Variants in INPP5B observed in about 807,000 individuals in gnomAD.
INPP5B encodes inositol polyphosphate-5-phosphatase B.
In INPP5B, 90 loss-of-function variants were observed where a neutral mutation model predicts 118.5. The ratio of observed to expected loss-of-function variants is 0.76; its 90% CI spans 0.64 to 0.90. INPP5B has a LOEUF of 0.90. INPP5B is among the 40% of genes least tolerant of loss of function. The pLI is 0.00. For missense variants in INPP5B, 984 were observed against 1,125.6 expected, an observed-to-expected ratio of 0.87 and a Z score of 1.80; for synonymous variants, 385 against 418.9, an observed-to-expected ratio of 0.92 and a Z score of 0.99.
At chr1:37,883,940 G>T (rs1194832991) in intron 13 of INPP5B, 2 of 721,824 alleles carry the variant, frequency 2.8e-6, no homozygotes, top group African/African-American at 1.9e-5. Context: ...CAAAGAGGAA[G>T]TTGTAGAGAT....
chr1:37,932,550 G>A (rs1036385470), intron 6 of INPP5B, among the ~76,000 whole-genome samples: 1 of 151,858 alleles, frequency 6.6e-6, no homozygotes, highest in Non-Finnish European at 1.5e-5. Flanking sequence ...TTGTATTTTA[G>A]TAGAGACGGG....
chr1:37,939,020 C>A (rs1166608200), intron 6 of INPP5B, among the ~76,000 whole-genome samples: 1 of 151,998 alleles, frequency 6.6e-6, no homozygotes. Context: ...ATGATGAAAC[C>A]GTGTCTCTAC....
At chr1:37,904,093 G>A (rs1049103593) in intron 7 of INPP5B, among the ~76,000 whole-genome samples, 7 of 152,242 alleles carry the variant, frequency 4.6e-5, no homozygotes, top group Admixed American at 1.3e-4. Flanking sequence ...TTGGGAGGCC[G>A]AGGCAGACAG....
chr1:37,933,350 C>T (rs61776695), intron 6 of INPP5B, among the ~76,000 whole-genome samples: 5,028 of 152,118 alleles, frequency 0.033, 129 homozygotes, highest in Middle Eastern at 0.065. Context: ...AGATCCAGAC[C>T]ATCCTGGCTA....
At chr1:37,909,562 G>A (rs1644614914) in intron 7 of INPP5B, among the ~76,000 whole-genome samples, 1 of 152,016 alleles carries the variant, frequency 6.6e-6, no homozygotes, top group Non-Finnish European at 1.5e-5. Flanking sequence ...TAGCGTTTAG[G>A]CTCTTTTTCA....
intron 3 of INPP5B, among the ~76,000 whole-genome samples, chr1:37,944,397 C>T (rs963004143): frequency 2.0e-5 from 3 of 151,998 alleles, no homozygotes; most frequent in Non-Finnish European, 2.9e-5. Context: ...TTATGGAGCA[C>T]TTTCTTTTTT....
At position 37,880,112 on chromosome 1, in the gene INPP5B, T is replaced by C; in HGVS notation, c.1514A>G (p.Asp505Gly). The C allele has an allele frequency of 7.4e-6, 12 of 1,611,190 alleles. No individual in the cohort carries two copies. Among genetic ancestry groups the C allele is most frequent in the Non-Finnish European group, 1.0e-5 (12 of 1,177,828 alleles). The change falls in exon 15 of 24, where the codon GAT (aspartate) becomes GGT (glycine). Residue 505 changes from aspartate to glycine, a missense_variant. By Grantham distance (94) the Asp-to-Gly change is moderately conservative. Transcript: ENST00000373024. ...ELTFQPTYKYDTGSDDWDTSE... is the reference protein window; with the variant it reads ...ELTFQPTYKYGTGSDDWDTSE... Reference sequence around the variant, plus strand: ...GGTATCCCAGTCGTCAGAGCCCGTATCATACTTGTAAGTAGGCTGGAATGT... The same window carrying C: ...GGTATCCCAGTCGTCAGAGCCCGTACCATACTTGTAAGTAGGCTGGAATGT...
In INPP5B at chr1:37,866,440, CTG is replaced by C. The variant is rs747726163; in HGVS notation, c.2386+17_2386+18del. On this transcript the variant is annotated intron_variant, in intron 21 of 23. Transcript: ENST00000373024. ...CACACACACACACACACACACAGAG[CTG>C]AATGTCTGAAGGATACAGAGGTTAT... 774 of 1,027,270 alleles carry C rather than the reference CTG, an allele frequency of 7.5e-4. 5 individuals are homozygous for C. In the African/African-American group the frequency reaches 0.012, roughly 16 times the overall value. 63.6% of individuals were successfully genotyped at this position (1,027,270 alleles called of 1,614,324 possible).
At chr1:37,944,970 T>C (rs982066092) in intron 3 of INPP5B, among the ~76,000 whole-genome samples, 1 of 152,112 alleles carries the variant, frequency 6.6e-6, no homozygotes, top group Non-Finnish European at 1.5e-5. Context: ...AACAACTTGC[T>C]CAAGATCATG....
chr1:37,862,519 A>C, intron 23 of INPP5B, 89 bp from the exon 24 acceptor site: 1 of 823,592 alleles, frequency 1.2e-6, no homozygotes, highest in Non-Finnish European at 2.1e-6. Flanking sequence ...TGTTCTGAGA[A>C]ATGTGTCATT....
chr1:37,936,721 CTT>C (rs1186118337), intron 6 of INPP5B, among the ~76,000 whole-genome samples: 35 of 135,994 alleles, frequency 2.6e-4, no homozygotes, highest in Admixed American at 3.7e-4. Context: ...TGGAGCAGAA[CTT>C]TTTTTTTTTT....
At chr1:37,921,165 T>C (rs928423646) in intron 7 of INPP5B, among the ~76,000 whole-genome samples, 1 of 152,114 alleles carries the variant, frequency 6.6e-6, no homozygotes, top group Non-Finnish European at 1.5e-5. Context: ...TGTGACACAG[T>C]GTAAGGCCCA....
chr1:37,902,577 G>A (rs1456934205), intron 7 of INPP5B, among the ~76,000 whole-genome samples: 1 of 152,012 alleles, frequency 6.6e-6, no homozygotes, highest in Non-Finnish European at 1.5e-5. Context: ...TTTTTTTTGA[G>A]ATGTTGTTTC....
Position 37,930,029 on chromosome 1 carries a change from T to C in INPP5B, c.532+1884A>G, listed in dbSNP as rs530115735. 5 of 152,340 alleles carry C rather than the reference T, an allele frequency of 3.3e-5. No individual in the cohort carries two copies. In the East Asian group the frequency reaches 9.7e-4, roughly 29 times the overall value. 9.4% of individuals were successfully genotyped at this position (152,340 alleles called of 1,614,324 possible). A position where few individuals can be genotyped will look rare whatever the true frequency, so the allele number is the denominator to read the frequency against. On this transcript the variant is annotated intron_variant, in intron 7 of 23. Coordinates refer to ENST00000373024, the MANE Select transcript of INPP5B (RefSeq NM_005540.3). ...GATTACAGGCATGAGTCACCACGCCTGGCTGACAAAATTTTTAAAACTATT... is the reference window on the plus strand; with the variant it reads ...GATTACAGGCATGAGTCACCACGCCCGGCTGACAAAATTTTTAAAACTATT...
At chr1:37,919,945 AAAAC>A (rs201970632) in intron 7 of INPP5B, among the ~76,000 whole-genome samples, 12 of 152,320 alleles carry the variant, frequency 7.9e-5, no homozygotes, top group Admixed American at 2.6e-4. Flanking sequence ...ACATCTTAAA[AAAAC>A]AAACAAACAA....
chr1:37,908,567 G>A (rs1410553623), intron 7 of INPP5B, among the ~76,000 whole-genome samples: 3 of 148,686 alleles, frequency 2.0e-5, no homozygotes, highest in Non-Finnish European at 4.5e-5. Flanking sequence ...GCGAGACCCC[G>A]TTCTCCAGAA....
chr1:37,922,564 C>T (rs1645094671), intron 7 of INPP5B, among the ~76,000 whole-genome samples: 1 of 152,106 alleles, frequency 6.6e-6, no homozygotes, highest in Non-Finnish European at 1.5e-5. Flanking sequence ...GGCATGGTGG[C>T]AGGCGCCTGT....
intron 12 of INPP5B, 111 bp from the exon 13 acceptor site, chr1:37,885,936 T>G: frequency 1.1e-6 from 1 of 925,852 alleles, no homozygotes; most frequent in Non-Finnish European, 1.7e-6. Context: ...TCCCAGCACT[T>G]TGGGAGTCCG....
rs781013997 is a variant in INPP5B, at chr1:37,874,059, G to C, written c.1885C>G (p.Pro629Ala). The C allele has an allele frequency of 1.2e-6, 2 of 1,607,270 alleles. No homozygotes were observed. The highest frequency in any genetic ancestry group is 1.7e-6 in the Non-Finnish European group (2 of 1,174,738). The part of the protein sequence containing the change: ...VPCHFEFINK[P>A]DEESYCKQWL... The stretch of plus-strand genomic sequence containing the variant: ...TGCTTACAGTAAGACTCTTCATCAG[G>C]CTTGTTGATGAATTCAAAATGACAG... Residue 629 changes from proline (P) to alanine (A), a missense_variant, in exon 18 of 24, where the codon CCT (proline) becomes GCT (alanine). Around this residue, in one of 2 missense-constraint regions of INPP5B, gnomAD observed 634 missense variants for 791.0 expected, o/e 0.80. Coordinates refer to ENST00000373024, the MANE Select transcript of INPP5B (RefSeq NM_005540.3).
Sources: allele counts gnomAD v4.1 joint callset (sites outside exome capture counted in the v4.1 genomes callset), GRCh38; gene constraint gnomAD v4.1.1; regional missense constraint gnomAD v4.1.1; transcripts MANE v1.5; gene names NCBI Gene and HGNC (gene_info 2026-07-23, HGNC 2026-07-21).